Variants in KIAA1217 observed in about 807,000 individuals in gnomAD.
KIAA1217 encodes the protein sickle tail protein homolog.
In KIAA1217, 88 loss-of-function variants were observed where a neutral mutation model predicts 163.9. The observed-to-expected ratio is 0.54, with a 90% CI of 0.45 to 0.64. The LOEUF (loss-of-function observed/expected upper bound fraction) is 0.64, where lower values mean the gene tolerates loss of function less well. KIAA1217 is among the 30% of genes least tolerant of loss of function. The pLI, the probability that KIAA1217 is intolerant of heterozygous loss-of-function variation, is 0.00. For missense variants in KIAA1217, 2,372 were observed against 2,475.0 expected (o/e 0.96, Z 0.88); for synonymous variants, 903 against 923.1 (o/e 0.98, Z 0.39).
intron 1 of KIAA1217, among the ~76,000 whole-genome samples, chr10:23,945,924 C>T (rs1266279792): frequency 6.6e-6 from 1 of 152,028 alleles, no homozygotes; most frequent in Non-Finnish European, 1.5e-5. Flanking sequence ...CTGTTTTCAG[C>T]TCCTAGGTCA....
intron 1 of KIAA1217, among the ~76,000 whole-genome samples, chr10:23,736,999 A>G (rs1264932325): frequency 2.0e-5 from 3 of 152,214 alleles, no homozygotes; most frequent in East Asian, 1.9e-4. Flanking sequence ...TCAAAGATCA[A>G]TTTGAAAAAA....
chr10:23,852,869 T>C (rs190989975), intron 1 of KIAA1217, among the ~76,000 whole-genome samples: 8 of 152,326 alleles, frequency 5.3e-5, no homozygotes, highest in Non-Finnish European at 7.3e-5. Context: ...TGATTTTGTA[T>C]CCTGAGACTG....
chr10:23,748,873 A>G (rs531729923), intron 1 of KIAA1217, among the ~76,000 whole-genome samples: 1 of 152,108 alleles, frequency 6.6e-6, no homozygotes, highest in South Asian at 2.1e-4. Context: ...CTTTACCCCA[A>G]GTCTAGGGTA....
chr10:24,010,914 T>C (rs569182794), intron 2 of KIAA1217, among the ~76,000 whole-genome samples: 1 of 152,194 alleles, frequency 6.6e-6, no homozygotes, highest in African/African-American at 2.4e-5. Flanking sequence ...GGGATTAGGA[T>C]GCAGAAATAA....
intron 1 of KIAA1217, among the ~76,000 whole-genome samples, chr10:23,991,534 G>A (rs1249639106): frequency 1.3e-5 from 2 of 152,098 alleles, no homozygotes; most frequent in Non-Finnish European, 2.9e-5. Flanking sequence ...TTCAGAAAAG[G>A]GAGTAATCTC....
rs1185546145 is a variant in KIAA1217, at chr10:24,392,938, A to AT, written c.553+11880dup. On this transcript the variant is annotated intron_variant, in intron 3 of 20. Coordinates refer to ENST00000376454, the MANE Select transcript of KIAA1217 (RefSeq NM_019590.5). ...AAATGCAAAATATATTACACACATT[A>AT]TTTTTTTTTAATTAAAAGTTTCTGG... Among the ~76,000 whole-genome samples the AT allele has an allele frequency of 2.8e-3, 427 of 151,538 alleles. 1 individual carries two copies. The highest frequency in any genetic ancestry group is 9.7e-3 in the African/African-American group (400 of 41,302).
At position 24,281,877 on chromosome 10, in the gene KIAA1217, G is replaced by A. The variant is rs376686632; in HGVS notation, c.354+61968G>A. On this transcript the variant is annotated intron_variant, in intron 2 of 20. Coordinates refer to ENST00000376454, the MANE Select transcript of KIAA1217 (RefSeq NM_019590.5). ...TCGAGACCAGCATGGCTAACACGGT[G>A]AAATCCCATCTCTACTAAAAATACA... Among the ~76,000 whole-genome samples the A allele has an allele frequency of 1.2e-3, 190 of 152,264 alleles. 1 individual carries two copies. Among genetic ancestry groups the A allele is most frequent in the African/African-American group, 4.2e-3 (173 of 41,534 alleles).
intron 1 of KIAA1217, among the ~76,000 whole-genome samples, chr10:23,912,490 T>A (rs756483873): frequency 2.2e-4 from 33 of 152,086 alleles, no homozygotes; most frequent in African/African-American, 4.8e-4. Context: ...CCTCTCCTAC[T>A]TTTTCCCCTT....
At position 24,438,461 on chromosome 10, in the gene KIAA1217, TATGA is replaced by T. The variant is rs2060236633; in HGVS notation, c.832_835del (p.Asn278GlufsTer3). 6.2e-7 allele frequency: 1 copy of T among 1,610,004 alleles called. No individual in the cohort carries two copies. The highest frequency in any genetic ancestry group is 2.2e-5 in the East Asian group (1 of 44,856). ...ATGCGTTTAATCACACACCAAAAAC[TATGA>T]ATGGAGACATGAGGGTAAGTGTTTC... is the stretch of plus-strand genomic sequence containing the variant. On this transcript the variant is annotated frameshift_variant, in exon 5 of 21. Coordinates refer to ENST00000376454, the MANE Select transcript of KIAA1217 (RefSeq NM_019590.5). LOFTEE classifies it high-confidence loss of function.
At chr10:24,140,457 A>AGC (rs2064015675) in intron 2 of KIAA1217, among the ~76,000 whole-genome samples, 4 of 152,192 alleles carry the variant, frequency 2.6e-5, no homozygotes. Flanking sequence ...GTATGAAGTA[A>AGC]AATAAGCTTG....
At chr10:23,861,472 C>T (rs1222407380) in intron 1 of KIAA1217, among the ~76,000 whole-genome samples, 1 of 152,168 alleles carries the variant, frequency 6.6e-6, no homozygotes, top group African/African-American at 2.4e-5. Context: ...GAGGACTTTG[C>T]AGATGTAATT....
chr10:24,364,064 C>T (rs1175555199), intron 2 of KIAA1217, among the ~76,000 whole-genome samples: 2 of 151,884 alleles, frequency 1.3e-5, no homozygotes, highest in Non-Finnish European at 2.9e-5. Flanking sequence ...CCGCAACCTC[C>T]GCCTCCCAGG....
chr10:23,868,463 G>A (rs960065588), intron 1 of KIAA1217, among the ~76,000 whole-genome samples: 1 of 152,094 alleles, frequency 6.6e-6, no homozygotes, highest in Admixed American at 6.6e-5. Context: ...GTCCTTGCCT[G>A]TATAGCTCTT....
chr10:24,445,988 G>C (rs145512609), intron 5 of KIAA1217, among the ~76,000 whole-genome samples: 5,014 of 152,242 alleles, frequency 0.033, 283 homozygotes, highest in African/African-American at 0.12. Flanking sequence ...CTAGTTTACA[G>C]TCCCACCAAT....
intron 1 of KIAA1217, among the ~76,000 whole-genome samples, chr10:23,913,445 T>C (rs545960266): frequency 5.3e-5 from 8 of 152,234 alleles, no homozygotes; most frequent in African/African-American, 1.7e-4. Context: ...ATGCTCTCCT[T>C]TTTTGTCTTA....
intron 17 of KIAA1217, among the ~76,000 whole-genome samples, chr10:24,538,564 G>A (rs1032187952): frequency 4.3e-5 from 4 of 93,930 alleles, no homozygotes; most frequent in Non-Finnish European, 7.1e-5. Context: ...GAGGGAGGGA[G>A]GGAGGAAGGA....
intron 13 of KIAA1217, among the ~76,000 whole-genome samples, chr10:24,525,220 A>C (rs747956887): frequency 6.6e-6 from 1 of 152,336 alleles, no homozygotes; most frequent in South Asian, 2.1e-4. Flanking sequence ...TGTAACAATC[A>C]GCTCTCCTGG....
At chr10:24,162,787 G>T (rs562455265) in intron 2 of KIAA1217, among the ~76,000 whole-genome samples, 1 of 152,166 alleles carries the variant, frequency 6.6e-6, no homozygotes, top group Admixed American at 6.5e-5. Flanking sequence ...GGTGTGTGAG[G>T]CTAAAAGATC....
chr10:23,877,481 G>A (rs750524268), intron 1 of KIAA1217: 1 of 151,348 alleles, frequency 6.6e-6, no homozygotes, highest in Admixed American at 6.7e-5. Flanking sequence ...AAGAAACATC[G>A]AACACCTGTA....
Sources: allele counts gnomAD v4.1 joint callset (sites outside exome capture counted in the v4.1 genomes callset), GRCh38; gene constraint gnomAD v4.1.1; transcripts MANE v1.5; gene names NCBI Gene and HGNC (gene_info 2026-07-23, HGNC 2026-07-21).